Variants in LRRTM4 observed in about 807,000 individuals in gnomAD.
The protein encoded by LRRTM4 is leucine-rich repeat transmembrane neuronal protein 4.
In LRRTM4, 25 loss-of-function variants were observed where a neutral mutation model predicts 47.6. The ratio of observed to expected loss-of-function variants is 0.53; its 90% CI spans 0.38 to 0.73. The LOEUF (loss-of-function observed/expected upper bound fraction) is 0.73. Among genes scored for constraint, LRRTM4 ranks in the 30% least tolerant of loss-of-function variants. The pLI is 0.00. For synonymous variants in LRRTM4, 311 were observed against 269.5 expected, an observed-to-expected ratio of 1.15 and a Z score of -1.51; for missense variants, 638 against 713.4, an observed-to-expected ratio of 0.89 and a Z score of 1.20.
At chr2:77,243,439 A>T (rs1675331116) in intron 3 of LRRTM4, among the ~76,000 whole-genome samples, 10 of 150,334 alleles carry the variant, frequency 6.7e-5, no homozygotes, top group Non-Finnish European at 1.5e-4. Context: ...AAAAATAAAA[A>T]AAAAAGATAA....
intron 3 of LRRTM4, among the ~76,000 whole-genome samples, chr2:77,292,614 G>T (rs1279695421): frequency 6.8e-6 from 1 of 146,208 alleles, no homozygotes. Context: ...ACCAAACACC[G>T]CATAGTCTCA....
At chr2:77,083,923 G>C (rs1212434283) in intron 3 of LRRTM4, among the ~76,000 whole-genome samples, 2 of 148,340 alleles carry the variant, frequency 1.3e-5, no homozygotes, top group African/African-American at 2.5e-5. Context: ...TCCTGCCTCA[G>C]CCTCCCGAGT....
intron 3 of LRRTM4, among the ~76,000 whole-genome samples, chr2:76,980,200 C>A (rs1284123485): frequency 2.0e-5 from 3 of 151,902 alleles, no homozygotes. Flanking sequence ...AATAGAGGCC[C>A]AAAGAAAAGC....
At chr2:77,216,525 C>G (rs1226997536) in intron 3 of LRRTM4, among the ~76,000 whole-genome samples, 1 of 151,862 alleles carries the variant, frequency 6.6e-6, no homozygotes, top group Non-Finnish European at 1.5e-5. Context: ...AGCCTGCTGA[C>G]AGAGTGAGAA....
chr2:77,234,932 T>A (rs529979565), intron 3 of LRRTM4, among the ~76,000 whole-genome samples: 1 of 152,296 alleles, frequency 6.6e-6, no homozygotes, highest in East Asian at 1.9e-4. Flanking sequence ...CATCTTTACA[T>A]CTGCTTGTAT....
chr2:77,163,829 C>T (rs941052897), intron 3 of LRRTM4, among the ~76,000 whole-genome samples: 3 of 152,108 alleles, frequency 2.0e-5, no homozygotes, highest in African/African-American at 7.2e-5. Context: ...TGGAAAGGAA[C>T]AATCAGTACC....
chr2:76,784,142 G>GGTGGCT (rs1674544332), intron 3 of LRRTM4, among the ~76,000 whole-genome samples: 1 of 151,966 alleles, frequency 6.6e-6, no homozygotes, highest in Admixed American at 6.6e-5. Context: ...AATGTTCAGT[G>GGTGGCT]GTGGCTGTAA....
rs1171757749 is a variant in LRRTM4, at chr2:77,350,306, C to G, written c.1551+168012G>C. 4.2e-5 allele frequency among the ~76,000 whole-genome samples: 5 copies of G among 118,894 alleles called. No homozygotes were observed. The Middle Eastern group carries it at 0.018, about 425-fold the overall frequency. The allele number at this position is 118,894 out of a possible 152,430, so 78.0% of individuals were successfully genotyped here. On this transcript the variant is annotated intron_variant, in intron 3 of 3. Transcript: ENST00000409884. Reference sequence around the variant, plus strand: ...GCGCCACTGCAGTCCGCAGTCCGGCCTGGGCGACAGAGCAAGACTCCGTCT... The same window carrying G: ...GCGCCACTGCAGTCCGCAGTCCGGCGTGGGCGACAGAGCAAGACTCCGTCT...
rs201198509 is a variant in LRRTM4, at chr2:76,999,130, CTGTT to C, written c.1552-250218_1552-250215del. Among the ~76,000 whole-genome samples, 579 of 151,958 alleles carry C rather than the reference CTGTT, an allele frequency of 3.8e-3. 1 individual carries two copies. The highest frequency in any genetic ancestry group is 0.013 in the African/African-American group (549 of 41,432). On this transcript the variant is annotated intron_variant, in intron 3 of 3. Coordinates refer to ENST00000409884, the MANE Select transcript of LRRTM4 (RefSeq NM_001134745.3). ...GGGGTAGTGTGTGTGCATCATGGAT[CTGTT>C]TGTTTAAGCAGCACTGAAATTGATT...
At chr2:76,846,945 G>A (rs112172745) in intron 3 of LRRTM4, among the ~76,000 whole-genome samples, 3 of 152,236 alleles carry the variant, frequency 2.0e-5, no homozygotes, top group African/African-American at 7.2e-5. Flanking sequence ...AGAGCTGAGA[G>A]TAACTAAAAA....
chr2:77,518,163 G>A, intron 3 of LRRTM4, 155 bp downstream of exon 3: 2 of 1,272,526 alleles, frequency 1.6e-6, no homozygotes, highest in Non-Finnish European at 2.0e-6. Flanking sequence ...TTTCCTGGTG[G>A]TTGTAATTTA....
intron 3 of LRRTM4, among the ~76,000 whole-genome samples, chr2:76,789,985 G>A (rs148848882): frequency 3.3e-5 from 5 of 152,252 alleles, no homozygotes; most frequent in African/African-American, 9.6e-5. Flanking sequence ...GTTGCCTGAG[G>A]TGTGTGTCGT....
At chr2:77,236,033 C>A (rs1345654469) in intron 3 of LRRTM4, among the ~76,000 whole-genome samples, 2 of 151,726 alleles carry the variant, frequency 1.3e-5, no homozygotes, top group East Asian at 1.9e-4. Context: ...ATTTTAGAAT[C>A]TTTTTTTTCT....
chr2:77,485,926 C>T (rs1449697366), intron 3 of LRRTM4, among the ~76,000 whole-genome samples: 3 of 150,418 alleles, frequency 2.0e-5, no homozygotes, highest in Admixed American at 6.7e-5. Flanking sequence ...TTAGGGGAGA[C>T]GTGGTTTCAC....
intron 3 of LRRTM4, among the ~76,000 whole-genome samples, chr2:76,898,515 T>C (rs142438829): frequency 2.6e-4 from 32 of 123,732 alleles, no homozygotes; most frequent in African/African-American, 9.0e-4. Context: ...AATGCACCAA[T>C]GCACTCCAGC....
At chr2:77,115,155 G>T (rs956937015) in intron 3 of LRRTM4, among the ~76,000 whole-genome samples, 1 of 152,018 alleles carries the variant, frequency 6.6e-6, no homozygotes, top group Admixed American at 6.6e-5. Context: ...TTCCTTGCTG[G>T]GAAAAGAATT....
intron 3 of LRRTM4, among the ~76,000 whole-genome samples, chr2:77,242,836 G>T (rs1675307524): frequency 2.0e-5 from 3 of 152,030 alleles, no homozygotes; most frequent in Admixed American, 1.3e-4. Flanking sequence ...TTTGAAAGTA[G>T]AATTACCCTA....
At chr2:77,219,318 G>A (rs1049942272) in intron 3 of LRRTM4, among the ~76,000 whole-genome samples, 2 of 152,108 alleles carry the variant, frequency 1.3e-5, no homozygotes, top group East Asian at 3.9e-4. Flanking sequence ...CTATATAAGG[G>A]GTTTGTACTG....
At chr2:77,209,391 C>T (rs1169792538) in intron 3 of LRRTM4, among the ~76,000 whole-genome samples, 2 of 148,988 alleles carry the variant, frequency 1.3e-5, no homozygotes, top group African/African-American at 5.0e-5. Context: ...AATTGGCATT[C>T]AGAGAAAAGT....
Sources: allele counts gnomAD v4.1 joint callset (sites outside exome capture counted in the v4.1 genomes callset), GRCh38; gene constraint gnomAD v4.1.1; transcripts MANE v1.5; gene names NCBI Gene and HGNC (gene_info 2026-07-23, HGNC 2026-07-21).